TRUB1: variants seen among roughly 807,000 people sequenced by gnomAD.
TRUB1 encodes the protein TruB pseudouridine synthase family member 1, also known as pseudouridylate synthase TRUB1.
Under a neutral mutation model 33.9 loss-of-function variants are expected in TRUB1, and 23 were observed. The ratio of observed to expected loss-of-function variants is 0.68; its 90% CI spans 0.49 to 0.96. TRUB1 has a LOEUF of 0.96. TRUB1 is among the 40% of genes least tolerant of loss of function. The pLI is 0.00. For synonymous variants in TRUB1, 163 were observed against 165.4 expected (o/e 0.99, Z 0.11); for missense variants, 378 against 422.2 (o/e 0.90, Z 0.92).
intron 4 of TRUB1, among the ~76,000 whole-genome samples, chr10:114,964,738 G>A (rs2084299256): frequency 6.6e-6 from 1 of 151,842 alleles, no homozygotes; most frequent in Non-Finnish European, 1.5e-5. Flanking sequence ...GTACTCTTGT[G>A]TTCTCTTCTT....
intron 4 of TRUB1, among the ~76,000 whole-genome samples, chr10:114,965,436 C>A (rs192356444): frequency 6.6e-6 from 1 of 152,070 alleles, no homozygotes; most frequent in Non-Finnish European, 1.5e-5. Flanking sequence ...AATGTGTTAT[C>A]CTTTATATAA....
At chr10:114,970,343 T>C in intron 4 of TRUB1, 25 bp from the exon 5 acceptor site, 1 of 1,522,104 alleles carries the variant, frequency 6.6e-7, no homozygotes, top group Non-Finnish European at 9.1e-7. Context: ...GTTGTTTTAG[T>C]GTCTTTTTTG....
chr10:114,943,232 A>G (rs1224215599), intron 2 of TRUB1, among the ~76,000 whole-genome samples: 8 of 152,130 alleles, frequency 5.3e-5, no homozygotes, highest in African/African-American at 1.7e-4. Context: ...CAAATCCCCA[A>G]TAAAAGCTTT....
intron 4 of TRUB1, among the ~76,000 whole-genome samples, chr10:114,962,627 G>A (rs1430579432): frequency 6.6e-6 from 1 of 152,192 alleles, no homozygotes; most frequent in Non-Finnish European, 1.5e-5. Context: ...GACACCAGCT[G>A]CCTTCAGTGG....
intron 7 of TRUB1, 103 bp downstream of exon 7, chr10:114,974,488 A>G: frequency 1.1e-6 from 1 of 948,132 alleles, no homozygotes; most frequent in Non-Finnish European, 1.6e-6. Flanking sequence ...TACTGGCCTT[A>G]GGAACTGAAC....
intron 3 of TRUB1, among the ~76,000 whole-genome samples, chr10:114,951,919 T>C (rs565084343): frequency 1.3e-5 from 2 of 152,326 alleles, no homozygotes; most frequent in East Asian, 3.9e-4. Context: ...GTGATATAAA[T>C]TGTTGATAAA....
intron 1 of TRUB1, among the ~76,000 whole-genome samples, chr10:114,942,402 T>TA (rs1325493238): frequency 3.7e-4 from 56 of 152,368 alleles, no homozygotes; most frequent in African/African-American, 1.2e-3. Flanking sequence ...GTTTTTCTCT[T>TA]AGAGAATGAA....
At chr10:114,953,962 G>A (rs1304008271) in intron 3 of TRUB1, among the ~76,000 whole-genome samples, 2 of 151,950 alleles carry the variant, frequency 1.3e-5, no homozygotes, top group African/African-American at 4.8e-5. Context: ...CAACACTGGG[G>A]ATTATATTTC....
intron 7 of TRUB1, 38 bp from the exon 8 acceptor site, chr10:114,975,085 T>G (rs1236510367): frequency 6.3e-7 from 1 of 1,579,614 alleles, no homozygotes; most frequent in South Asian, 1.2e-5. Flanking sequence ...CTGAATCGTT[T>G]ATCTTCTGGA....
chr10:114,966,838 G>C (rs1307959081), intron 4 of TRUB1, among the ~76,000 whole-genome samples: 1 of 152,076 alleles, frequency 6.6e-6, no homozygotes, highest in Non-Finnish European at 1.5e-5. Flanking sequence ...TGTTCTAGTT[G>C]TGTTTTGCAT....
chr10:114,953,056 C>T (rs1366070309), intron 3 of TRUB1, among the ~76,000 whole-genome samples: 1 of 151,968 alleles, frequency 6.6e-6, no homozygotes, highest in African/African-American at 2.4e-5. Flanking sequence ...TTGAGATATT[C>T]GTTGTTCACC....
intron 7 of TRUB1, 61 bp from the exon 8 acceptor site, chr10:114,975,062 A>G (rs2084353773): frequency 2.0e-6 from 3 of 1,533,986 alleles, no homozygotes; most frequent in Admixed American, 4.2e-5. Flanking sequence ...GAACAATTAC[A>G]GACTATGAAA....
intron 4 of TRUB1, among the ~76,000 whole-genome samples, chr10:114,961,885 T>C (rs1051544313): frequency 2.0e-5 from 3 of 152,228 alleles, no homozygotes; most frequent in Non-Finnish European, 2.9e-5. Context: ...ATTCTCAGCC[T>C]TCTGAGACCT....
At chr10:114,966,718 C>T (rs2084310338) in intron 4 of TRUB1, among the ~76,000 whole-genome samples, 1 of 152,060 alleles carries the variant, frequency 6.6e-6, no homozygotes, top group African/African-American at 2.4e-5. Context: ...TCTCTGAGTA[C>T]CTCAAATTCT....
Position 114,938,642 on chromosome 10 carries a change from A to G in TRUB1, c.286+103A>G. 3 of 1,265,528 alleles carry G rather than the reference A, an allele frequency of 2.4e-6. No homozygotes were observed. In the South Asian group the frequency reaches 5.0e-5, roughly 21 times the overall value. The allele number at this position is 1,265,528 out of a possible 1,614,324, so 78.4% of individuals were successfully genotyped here. A position where few individuals can be genotyped will look rare whatever the true frequency, so the allele number is the denominator to read the frequency against. ...GTGATTCAAGAGACAAAAGGAGGGG[A>G]AAGGGAGACTGACCATTGAATTAGC... On this transcript the variant is annotated intron_variant, in intron 1 of 7. Transcript: ENST00000298746.
chr10:114,967,945 A>G (rs2084317956), intron 4 of TRUB1, among the ~76,000 whole-genome samples: 1 of 152,156 alleles, frequency 6.6e-6, no homozygotes, highest in Non-Finnish European at 1.5e-5. Context: ...AATGCCCTTC[A>G]GCCTTGAGAT....
chr10:114,971,858 A>G (rs1370093003), intron 5 of TRUB1, among the ~76,000 whole-genome samples: 1 of 152,234 alleles, frequency 6.6e-6, no homozygotes, highest in Non-Finnish European at 1.5e-5. Context: ...GTCTCTAGAA[A>G]GATGATTAAA....
chr10:114,970,503 C>T (rs1331038846), intron 5 of TRUB1, 63 bp downstream of exon 5: 1 of 1,242,024 alleles, frequency 8.1e-7, no homozygotes, highest in Non-Finnish European at 1.2e-6. Flanking sequence ...TAACATCACT[C>T]TAGTTAAAAT....
At chr10:114,969,213 C>T (rs1201271825) in intron 4 of TRUB1, among the ~76,000 whole-genome samples, 1 of 150,538 alleles carries the variant, frequency 6.6e-6, no homozygotes, top group Non-Finnish European at 1.5e-5. Context: ...AGGAGGATCA[C>T]CTGAGGTCAG....
Sources: gnomAD v4.1 joint callset for allele counts (sites outside exome capture counted in the v4.1 genomes callset) on GRCh38, gnomAD v4.1.1 for gene constraint, MANE v1.5 for transcripts, NCBI Gene and HGNC (gene_info 2026-07-23, HGNC 2026-07-21) for gene names.